ABCA4: variants seen among roughly 807,000 people sequenced by gnomAD.
ABCA4 encodes the protein retinal-specific phospholipid-transporting ATPase ABCA4.
Under a neutral mutation model 263.7 loss-of-function variants are expected in ABCA4, and 196 were observed. The observed-to-expected ratio is 0.74, with a 90% CI of 0.66 to 0.84. ABCA4 has a LOEUF of 0.84. ABCA4 is among the 40% of genes least tolerant of loss of function. The pLI, the probability that ABCA4 is intolerant of heterozygous loss-of-function variation, is 0.00. For synonymous variants in ABCA4, 1,133 were observed against 1,094.2 expected, an observed-to-expected ratio of 1.04 and a Z score of -0.70; for missense variants, 2,792 against 2,855.1, an observed-to-expected ratio of 0.98 and a Z score of 0.50.
At chr1:94,030,875 C>A in intron 28 of ABCA4, 121 bp downstream of exon 28, 1 of 1,451,844 alleles carries the variant, frequency 6.9e-7, no homozygotes, top group Non-Finnish European at 9.5e-7. Flanking sequence ...GCCCAAAGAC[C>A]CCTCCCCTCT....
intron 40 of ABCA4, among the ~76,000 whole-genome samples, chr1:94,009,186 G>A (rs1010473984): frequency 3.9e-5 from 6 of 152,084 alleles, no homozygotes; most frequent in African/African-American, 1.4e-4. Flanking sequence ...CTGTCTCATA[G>A]GATTGTGCTG....
intron 31 of ABCA4, 48 bp downstream of exon 31, chr1:94,024,906 T>C: frequency 6.8e-7 from 1 of 1,469,480 alleles, no homozygotes; most frequent in South Asian, 1.1e-5. Context: ...CTAGTTAATA[T>C]CTTCTACAGG....
intron 36 of ABCA4, among the ~76,000 whole-genome samples, chr1:94,017,192 G>A (rs564624241): frequency 6.6e-6 from 1 of 152,260 alleles, no homozygotes; most frequent in African/African-American, 2.4e-5. Context: ...CCTGAAATTT[G>A]TATTTATTAT....
intron 45 of ABCA4, chr1:94,001,568 C>T (rs778728966): frequency 2.2e-5 from 13 of 601,504 alleles, no homozygotes; most frequent in South Asian, 9.1e-5. Context: ...ACCGACAGGC[C>T]GCAGAGTGGG....
intron 36 of ABCA4, among the ~76,000 whole-genome samples, chr1:94,017,365 C>T (rs1390540194): frequency 6.6e-6 from 1 of 152,180 alleles, no homozygotes; most frequent in Non-Finnish European, 1.5e-5. Context: ...CCAAGATGCA[C>T]ACCCTCAACC....
Position 94,098,820 on chromosome 1 carries a change from C to T in ABCA4, c.742G>A (p.Val248Met), listed in dbSNP as rs200719724. The change falls in exon 6 of 50, where the codon GTG becomes ATG. Residue 248 changes from valine (V) to methionine (M), a missense_variant. Physicochemically the swap from Val to Met is conservative, Grantham distance 21. Transcript: ENST00000370225. ...QWIEDTLYAN[V>M]DFFKLFRVLP... Reference sequence around the variant, plus strand: ...ACACGGAAGAGCTTGAAGAAGTCCACGTTGGCATACAGAGTGTCTTCTATC... The same window carrying T: ...ACACGGAAGAGCTTGAAGAAGTCCATGTTGGCATACAGAGTGTCTTCTATC... 4.2e-5 allele frequency: 67 copies of T among 1,614,176 alleles called. No individual in the cohort carries two copies. The highest frequency in any genetic ancestry group is 7.7e-5 in the South Asian group (7 of 91,080).
chr1:94,036,333 T>C (rs2101042255), intron 26 of ABCA4, among the ~76,000 whole-genome samples: 1 of 150,874 alleles, frequency 6.6e-6, no homozygotes, highest in African/African-American at 2.4e-5. Context: ...TCAGATACTA[T>C]GGAGGAGTAT....
In ABCA4 at chr1:94,045,177, C is replaced by T. The variant is rs139232542; in HGVS notation, c.2919-433G>A. Among the ~76,000 whole-genome samples, 405 of 152,302 alleles carry T rather than the reference C, an allele frequency of 2.7e-3. 1 individual carries two copies. The highest frequency in any genetic ancestry group is 4.6e-3 in the Non-Finnish European group (310 of 68,026). ...AGCCAGGTGTCATCATCATAAAGCC[C>T]GGGTAAGGTCTTGATGAAGGCCAGA... On this transcript the variant is annotated intron_variant, in intron 19 of 49. Coordinates refer to ENST00000370225, the MANE Select transcript of ABCA4 (RefSeq NM_000350.3).
At chr1:94,020,461 GATCAT>G (rs1403601730) in intron 35 of ABCA4, among the ~76,000 whole-genome samples, 2 of 152,324 alleles carry the variant, frequency 1.3e-5, no homozygotes, top group Non-Finnish European at 2.9e-5. Context: ...TAAAACTACA[GATCAT>G]ATCATCCATA....
chr1:94,041,631 G>C (rs985547305), intron 22 of ABCA4, among the ~76,000 whole-genome samples: 1 of 152,196 alleles, frequency 6.6e-6, no homozygotes, highest in Non-Finnish European at 1.5e-5. Context: ...CAGTGTCTCT[G>C]TATCCAGCAT....
At chr1:94,010,533 T>C (rs928657648) in intron 40 of ABCA4, 1 of 571,550 alleles carries the variant, frequency 1.7e-6, no homozygotes. Context: ...ACACATTTGG[T>C]AATTAAATGA....
Position 94,051,711 on chromosome 1 carries a change from A to G in ABCA4, c.2588-13T>C. ...GTTCCATAGTCTCCTAAAAATAGAGACAAATAAACAGAGAAAGTCGAAGGA... is the reference window on the plus strand; with the variant it reads ...GTTCCATAGTCTCCTAAAAATAGAGGCAAATAAACAGAGAAAGTCGAAGGA... On this transcript the variant is annotated splice_polypyrimidine_tract_variant and intron_variant, in intron 16 of 49. Coordinates refer to ENST00000370225, the MANE Select transcript of ABCA4 (RefSeq NM_000350.3). The G allele has an allele frequency of 6.2e-7, 1 of 1,603,534 alleles. No individual in the cohort carries two copies.
intron 11 of ABCA4, among the ~76,000 whole-genome samples, chr1:94,064,779 G>A (rs1372249064): frequency 3.3e-5 from 5 of 152,174 alleles, no homozygotes; most frequent in Admixed American, 3.3e-4. Context: ...GGACTCAGTA[G>A]TATGAACGAC....
Position 94,021,901 on chromosome 1 carries a change from C to G in ABCA4, c.4718G>C (p.Gly1573Ala), listed in dbSNP as rs774279555. 2 of 1,614,076 alleles carry G rather than the reference C, an allele frequency of 1.2e-6. No individual in the cohort carries two copies. The highest frequency in any genetic ancestry group is 4.5e-5 in the East Asian group (2 of 44,892). Residue 1573 changes from glycine to alanine, a missense_variant, in exon 33 of 50, where the codon GGG (glycine) becomes GCG (alanine). Physicochemically the swap from Gly to Ala is moderately conservative, Grantham distance 60 (BLOSUM62 0). Transcript: ENST00000370225. ...GGKLPVVPIT[G>A]EALVGFLSDL... ...GCTTAAAAACCCAACAAGTGCTTCCCCCGTGATGGGGACGACTGGGAGCTT... is the reference window on the plus strand; with the variant it reads ...GCTTAAAAACCCAACAAGTGCTTCCGCCGTGATGGGGACGACTGGGAGCTT...
At chr1:93,998,979 G>C (rs1295871117) in intron 47 of ABCA4, among the ~76,000 whole-genome samples, 1 of 147,940 alleles carries the variant, frequency 6.8e-6, no homozygotes, top group Non-Finnish European at 1.5e-5. Context: ...TTAAACTCCT[G>C]ACCTCAAGTG....
chr1:94,029,460 G>C lies in ABCA4; in HGVS notation c.4524C>G (p.Gly1508=), dbSNP rs748388032. 2 of 1,556,864 alleles carry C rather than the reference G, an allele frequency of 1.3e-6. No individual in the cohort carries two copies. Among genetic ancestry groups the C allele is most frequent in the African/African-American group, 2.7e-5 (2 of 73,626 alleles). The part of the protein sequence containing the change: ...MLPECPEGAG[G]LPPPQRTQRS... ...GGTCAGGTACCTGGGGGGGCGGGAG[G>C]CCCCCGGCACCCTCGGGGCACTCTG... is the stretch of plus-strand genomic sequence containing the variant. Residue 1508 remains glycine (G), a synonymous_variant, in exon 30 of 50, where the codon GGC becomes GGG. Transcript: ENST00000370225.
In ABCA4 at chr1:94,108,571, G is replaced by A. The variant is rs1287680518; in HGVS notation, c.442+6C>T. 1.2e-6 allele frequency: 2 copies of A among 1,613,378 alleles called. No individual in the cohort carries two copies. The highest frequency in any genetic ancestry group is 1.7e-5 in the Admixed American group (1 of 60,018). Reference sequence around the variant, plus strand: ...TGATGCTTGAGAGCACTGCAGTCATGCTTACCTGCAATTCTCTCCGGGTGA... The same window carrying A: ...TGATGCTTGAGAGCACTGCAGTCATACTTACCTGCAATTCTCTCCGGGTGA... On this transcript the variant is annotated splice_donor_region_variant and intron_variant, in intron 4 of 49. Transcript: ENST00000370225.
Position 94,003,939 on chromosome 1 carries a change from C to G in ABCA4, c.6147+1502G>C, listed in dbSNP as rs1044101540. Among the ~76,000 whole-genome samples the G allele has an allele frequency of 3.9e-5, 6 of 152,116 alleles. No homozygotes were observed. The East Asian group carries it at 1.2e-3, about 29-fold the overall frequency. ...AGGTGTGAGCCACCATGCCCAGCCC[C>G]TTATTTTTTTTTTAAAAGCACTTCC... On this transcript the variant is annotated intron_variant, in intron 44 of 49. Coordinates refer to ENST00000370225, the MANE Select transcript of ABCA4 (RefSeq NM_000350.3).
chr1:94,083,391 C>G lies in ABCA4; in HGVS notation c.819G>C (p.Trp273Cys). 6.2e-7 allele frequency: 1 copy of G among 1,613,772 alleles called. No individual in the cohort carries two copies. Among genetic ancestry groups the G allele is most frequent in the Non-Finnish European group, 8.5e-7 (1 of 1,179,870 alleles). Reference sequence around the variant, plus strand: ...GTGACATATCAGATAATATTCCTCCCCAAGATCTCAGATTGATACCTTGAG... The same window carrying G: ...GTGACATATCAGATAATATTCCTCCGCAAGATCTCAGATTGATACCTTGAG... Reference protein sequence around the residue: ...SRSQGINLRSWGGILSDMSPR... With the variant: ...SRSQGINLRSCGGILSDMSPR... Residue 273 changes from tryptophan to cysteine, a missense_variant, in exon 7 of 50, where the codon TGG becomes TGC. Transcript: ENST00000370225.
Sources: gnomAD v4.1 joint callset for allele counts (sites outside exome capture counted in the v4.1 genomes callset) on GRCh38, gnomAD v4.1.1 for gene constraint, MANE v1.5 for transcripts, NCBI Gene and HGNC (gene_info 2026-07-23, HGNC 2026-07-21) for gene names.